GCNT1: variants seen among roughly 807,000 people sequenced by gnomAD.
The protein encoded by GCNT1 is beta-1,3-galactosyl-O-glycosyl-glycoprotein beta-1,6-N-acetylglucosaminyltransferase.
Under a neutral mutation model 26.2 loss-of-function variants are expected in GCNT1, and 16 were observed. The observed-to-expected ratio is 0.61, with a 90% CI of 0.41 to 0.93. GCNT1 has a LOEUF of 0.93. Ranked by LOEUF, GCNT1 falls within the 40% of genes least tolerant of loss-of-function variation. The probability of loss-of-function intolerance (pLI) is 0.00; values close to 1 mark genes in which losing one functional copy is unlikely to be tolerated. For missense variants in GCNT1, 477 were observed against 526.7 expected (o/e 0.91, Z 0.92); for synonymous variants, 183 against 190.8 (o/e 0.96, Z 0.34).
intron 2 of GCNT1, among the ~76,000 whole-genome samples, chr9:76,476,321 A>G (rs2131609894): frequency 6.6e-6 from 1 of 152,278 alleles, no homozygotes; most frequent in African/African-American, 2.4e-5. Flanking sequence ...GGGCCACCTA[A>G]TCTTTAAGAG....
chr9:76,472,781 C>G (rs1396866606), intron 2 of GCNT1, among the ~76,000 whole-genome samples: 1 of 139,472 alleles, frequency 7.2e-6, no homozygotes, highest in African/African-American at 2.7e-5. Flanking sequence ...TGGAGTCTCG[C>G]TCTGTCACCC....
chr9:76,495,508 T>C (rs1824882821), intron 2 of GCNT1, among the ~76,000 whole-genome samples: 1 of 152,216 alleles, frequency 6.6e-6, no homozygotes, highest in South Asian at 2.1e-4. Flanking sequence ...TGGCCAGCTT[T>C]TATTCCCTTA....
chr9:76,463,913 G>A (rs1404278912), intron 2 of GCNT1, among the ~76,000 whole-genome samples: 2 of 152,082 alleles, frequency 1.3e-5, no homozygotes, highest in Non-Finnish European at 2.9e-5. Context: ...ATAAGGCCTG[G>A]GGGCAGGTAT....
At chr9:76,432,320 T>C (rs958886446) in intron 1 of GCNT1, among the ~76,000 whole-genome samples, 2 of 152,102 alleles carry the variant, frequency 1.3e-5, no homozygotes, top group African/African-American at 2.4e-5. Flanking sequence ...TTAAAATGTC[T>C]AATATCTAGT....
upstream of GCNT1, among the ~76,000 whole-genome samples, chr9:76,439,248 A>G (rs1334114083): frequency 8.4e-6 from 1 of 119,308 alleles, no homozygotes; most frequent in Non-Finnish European, 1.7e-5. Flanking sequence ...TTTTTTTGAG[A>G]CAGTCTCACT....
At position 76,453,221 on chromosome 9, in the gene GCNT1, G is replaced by A. The variant is rs190633932; in HGVS notation, c.-290+10906G>A. Among the ~76,000 whole-genome samples, 37 of 152,310 alleles carry A rather than the reference G, an allele frequency of 2.4e-4. No homozygotes were observed. In the East Asian group the frequency reaches 5.6e-3, roughly 23 times the overall value. ...TGAAGAGAAGGTGGTCAGAACAGAA[G>A]GGAGGCCTAATCTTGAGTGACCATG... is the stretch of plus-strand genomic sequence containing the variant. On this transcript the variant is annotated intron_variant, in intron 1 of 2. Coordinates refer to the GCNT1 transcript ENST00000442371.
rs1285731347 is a variant in GCNT1, at chr9:76,451,755, A to G, written c.-290+9440A>G. On this transcript the variant is annotated intron_variant, in intron 1 of 2. Coordinates refer to the GCNT1 transcript ENST00000442371. The stretch of plus-strand genomic sequence containing the variant: ...ACAAAATTCTGTTGTTTAAAGTACC[A>G]GTCTATGGTACTTTGTTGACAGACC... Among the ~76,000 whole-genome samples, 3 of 152,118 alleles carry G rather than the reference A, an allele frequency of 2.0e-5. No homozygotes were observed. In the East Asian group the frequency reaches 5.8e-4, roughly 29 times the overall value.
chr9:76,467,249 A>G (rs908386436), intron 2 of GCNT1, among the ~76,000 whole-genome samples: 3 of 152,118 alleles, frequency 2.0e-5, no homozygotes, highest in African/African-American at 7.2e-5. Context: ...TCACCGTGTT[A>G]GCCAGGATGG....
At chr9:76,476,462 C>CT (rs1824255094) in intron 2 of GCNT1, among the ~76,000 whole-genome samples, 1 of 151,008 alleles carries the variant, frequency 6.6e-6, no homozygotes, top group Non-Finnish European at 1.5e-5. Context: ...AAGTCCATTA[C>CT]TCTTCAGTGT....
Position 76,503,721 on chromosome 9 carries a change from ATC to A in GCNT1, c.*55_*56del. ...AGAAGGATACACAAAACGTACCCTT[ATC>A]TGTTTCCCCTTCCTTGTCAGCATCG... On this transcript the variant is annotated 3_prime_UTR_variant, in exon 4 of 4. Coordinates refer to ENST00000376730, the MANE Select transcript of GCNT1 (RefSeq NM_001490.5). 7.2e-7 allele frequency: 1 copy of A among 1,385,946 alleles called. No individual in the cohort carries two copies. Among genetic ancestry groups the A allele is most frequent in the Non-Finnish European group, 1.0e-6 (1 of 977,152 alleles). The allele number at this position is 1,385,946 out of a possible 1,614,324, so 85.9% of individuals were successfully genotyped here. A position where few individuals can be genotyped will look rare whatever the true frequency, so the allele number is the denominator to read the frequency against.
intron 1 of GCNT1, among the ~76,000 whole-genome samples, chr9:76,453,801 G>T (rs186803949): frequency 6.6e-5 from 10 of 152,318 alleles, no homozygotes; most frequent in Non-Finnish European, 1.3e-4. Context: ...GAGTCCTCAA[G>T]TCCTGAACAT....
chr9:76,448,226 C>T (rs1469747005), intron 1 of GCNT1, among the ~76,000 whole-genome samples: 1 of 152,104 alleles, frequency 6.6e-6, no homozygotes, highest in Non-Finnish European at 1.5e-5. Context: ...CCGAGGCAGG[C>T]GGATTACTTA....
chr9:76,465,864 C>T (rs900287561), intron 2 of GCNT1, among the ~76,000 whole-genome samples: 4 of 152,124 alleles, frequency 2.6e-5, no homozygotes, highest in Non-Finnish European at 5.9e-5. Context: ...CTGGCATAAA[C>T]AACTGAGTAG....
At chr9:76,409,645 CA>C in the GCNT1 span, among the ~76,000 whole-genome samples, 40 of 152,130 alleles carry the variant, frequency 2.6e-4, no homozygotes, top group African/African-American at 9.6e-4. Flanking sequence ...GGAGTTTCAC[CA>C]CGTTGCCCAG....
intron 2 of GCNT1, among the ~76,000 whole-genome samples, chr9:76,488,795 A>T (rs1048233214): frequency 2.2e-4 from 34 of 152,230 alleles, no homozygotes; most frequent in African/African-American, 8.2e-4. Context: ...AAGCCAGCGC[A>T]CCTGGCCGAG....
chr9:76,420,229 C>G (rs997348433), intron 1 of GCNT1: 1 of 152,168 alleles, frequency 6.6e-6, no homozygotes, highest in African/African-American at 2.4e-5. Context: ...TGGGTGCTCT[C>G]TGTATCAAAT....
intron 2 of GCNT1, among the ~76,000 whole-genome samples, chr9:76,490,590 T>A (rs766337590): frequency 6.6e-6 from 1 of 152,238 alleles, no homozygotes; most frequent in East Asian, 1.9e-4. Flanking sequence ...GTTGAAAATC[T>A]TGTAAGTTTG....
chr9:76,481,829 G>A lies in GCNT1; in HGVS notation c.-289-19087G>A, dbSNP rs7025286. On this transcript the variant is annotated intron_variant, in intron 2 of 3. Coordinates refer to ENST00000376730, the MANE Select transcript of GCNT1 (RefSeq NM_001490.5). The stretch of plus-strand genomic sequence containing the variant: ...AAGTGCCATTTATGACCTATATTAA[G>A]CAGTAGCAGAGGATCAGCATTTTTC... Among the ~76,000 whole-genome samples, 1,483 of 152,260 alleles carry A rather than the reference G, an allele frequency of 9.7e-3. 22 individuals are homozygous for A. The highest frequency in any genetic ancestry group is 0.034 in the African/African-American group (1,433 of 41,556).
intron 2 of GCNT1, among the ~76,000 whole-genome samples, chr9:76,477,933 G>A (rs1250374445): frequency 6.6e-6 from 1 of 152,190 alleles, no homozygotes; most frequent in Admixed American, 6.5e-5. Context: ...GAGAACTTTT[G>A]TGTCTAGTTA....
Sources: gnomAD v4.1 joint callset for allele counts (sites outside exome capture counted in the v4.1 genomes callset) on GRCh38, gnomAD v4.1.1 for gene constraint, MANE v1.5 for transcripts, NCBI Gene and HGNC (gene_info 2026-07-23, HGNC 2026-07-21) for gene names.